The following LRRTM4 variants were observed in gnomAD, a reference collection of about 807,000 sequenced individuals.
LRRTM4 encodes the protein leucine-rich repeat transmembrane neuronal protein 4.
LRRTM4 carries 25 observed loss-of-function variants against 47.6 expected under a neutral mutation model. That is an observed-to-expected ratio of 0.53 (90% CI 0.38 to 0.73). LRRTM4 has a LOEUF of 0.73. LRRTM4 is among the 30% of genes least tolerant of loss of function. LRRTM4 has a pLI of 0.00. For synonymous variants in LRRTM4, 311 were observed against 269.5 expected (o/e 1.15, Z -1.51); for missense variants, 638 against 713.4 (o/e 0.89, Z 1.20).
chr2:76,795,028 A>G lies in LRRTM4; in HGVS notation c.1552-46112T>C, dbSNP rs558049032. 1.1e-4 allele frequency among the ~76,000 whole-genome samples: 16 copies of G among 151,964 alleles called. No homozygotes were observed. In the South Asian group the frequency reaches 3.1e-3, roughly 29 times the overall value. ...AAAAATATTACCAGATTTTATGCAA[A>G]TAAAGATACTTCTGTATGGCAGATA... is the stretch of plus-strand genomic sequence containing the variant. On this transcript the variant is annotated intron_variant, in intron 3 of 3. Transcript: ENST00000409884.
chr2:76,784,507 TGATAA>T (rs1338264302), intron 3 of LRRTM4, among the ~76,000 whole-genome samples: 1 of 152,052 alleles, frequency 6.6e-6, no homozygotes, highest in Non-Finnish European at 1.5e-5. Flanking sequence ...TCTCACTGGG[TGATAA>T]GATTAAGCTG....
rs1231320381 is a variant in LRRTM4, at chr2:76,912,055, C to T, written c.1552-163139G>A. Among the ~76,000 whole-genome samples, 31 of 151,472 alleles carry T rather than the reference C, an allele frequency of 2.0e-4. 1 individual carries two copies. Among genetic ancestry groups the T allele is most frequent in the Non-Finnish European group, 7.4e-5 (5 of 67,860 alleles). ...GCCATTCTCCTGCCCCGAGTAGCTG[C>T]AACTATAGGCGCCCGCCACCATGCC... On this transcript the variant is annotated intron_variant, in intron 3 of 3. Coordinates refer to ENST00000409884, the MANE Select transcript of LRRTM4 (RefSeq NM_001134745.3).
At chr2:77,278,629 C>T (rs1676429520) in intron 3 of LRRTM4, among the ~76,000 whole-genome samples, 2 of 151,884 alleles carry the variant, frequency 1.3e-5, no homozygotes, top group African/African-American at 4.8e-5. Context: ...ACTTTCAAGG[C>T]ATGGTTAAGT....
At chr2:77,136,176 C>T (rs1166068925) in intron 3 of LRRTM4, among the ~76,000 whole-genome samples, 1 of 152,146 alleles carries the variant, frequency 6.6e-6, no homozygotes, top group Non-Finnish European at 1.5e-5. Context: ...GACAGACTGC[C>T]TCCTCAAGTG....
intron 3 of LRRTM4, among the ~76,000 whole-genome samples, chr2:76,774,885 T>C (rs1342848518): frequency 2.0e-5 from 3 of 152,228 alleles, no homozygotes; most frequent in Non-Finnish European, 4.4e-5. Context: ...TCTTAAATAA[T>C]TGAAATCCTT....
At chr2:76,784,569 A>C (rs756601065) in intron 3 of LRRTM4, among the ~76,000 whole-genome samples, 1 of 152,072 alleles carries the variant, frequency 6.6e-6, no homozygotes, top group Admixed American at 6.5e-5. Context: ...AATAAATGCA[A>C]TATTTTCAAA....
At chr2:76,880,023 G>A (rs1008280476) in intron 3 of LRRTM4, among the ~76,000 whole-genome samples, 2 of 152,204 alleles carry the variant, frequency 1.3e-5, no homozygotes, top group African/African-American at 4.8e-5. Context: ...GCTCCTAATG[G>A]AGCTAAGAAA....
At chr2:76,876,829 G>A (rs1372517453) in intron 3 of LRRTM4, among the ~76,000 whole-genome samples, 1 of 151,844 alleles carries the variant, frequency 6.6e-6, no homozygotes, top group Non-Finnish European at 1.5e-5. Context: ...CTTAGAAAAA[G>A]AGAAATCACT....
At chr2:76,959,708 G>A (rs972752537) in intron 3 of LRRTM4, among the ~76,000 whole-genome samples, 1 of 151,662 alleles carries the variant, frequency 6.6e-6, no homozygotes, top group Non-Finnish European at 1.5e-5. Flanking sequence ...ATTTAAAGAA[G>A]TGTGTGATGC....
intron 3 of LRRTM4, among the ~76,000 whole-genome samples, chr2:77,514,777 T>C (rs1446199973): frequency 6.6e-6 from 1 of 151,962 alleles, no homozygotes; most frequent in Non-Finnish European, 1.5e-5. Context: ...TTTGTTCACA[T>C]TGGCTAATAT....
intron 3 of LRRTM4, among the ~76,000 whole-genome samples, chr2:77,297,001 A>G (rs977954754): frequency 6.6e-5 from 10 of 152,208 alleles, no homozygotes; most frequent in African/African-American, 2.4e-4. Context: ...CTCGACTCTC[A>G]TCATGGCTCC....
intron 3 of LRRTM4, among the ~76,000 whole-genome samples, chr2:77,462,220 G>A (rs1259109213): frequency 6.6e-6 from 1 of 152,006 alleles, no homozygotes; most frequent in Non-Finnish European, 1.5e-5. Flanking sequence ...CATGATGTGA[G>A]CTCTGAAGTA....
At chr2:76,991,018 G>A (rs1446370714) in intron 3 of LRRTM4, among the ~76,000 whole-genome samples, 1 of 151,686 alleles carries the variant, frequency 6.6e-6, no homozygotes, top group Non-Finnish European at 1.5e-5. Flanking sequence ...ACAGTTACAT[G>A]AAATTAAACA....
chr2:77,075,895 A>G, intron 3 of LRRTM4, among the ~76,000 whole-genome samples: 1 of 119,294 alleles, frequency 8.4e-6, no homozygotes, highest in Non-Finnish European at 1.6e-5. Context: ...AGCCTGGGCG[A>G]CAGAGCGAGA....
intron 3 of LRRTM4, among the ~76,000 whole-genome samples, chr2:76,895,062 T>C (rs1673368440): frequency 6.6e-6 from 1 of 151,518 alleles, no homozygotes; most frequent in African/African-American, 2.4e-5. Context: ...TCGGCAAACA[T>C]TTCAATAGTT....
intron 3 of LRRTM4, among the ~76,000 whole-genome samples, chr2:77,516,217 A>G (rs533829460): frequency 3.3e-5 from 5 of 151,996 alleles, no homozygotes; most frequent in African/African-American, 1.2e-4. Context: ...TTTCAACAAT[A>G]CTAGTGCAAT....
chr2:77,022,111 T>C (rs550354358), intron 3 of LRRTM4, among the ~76,000 whole-genome samples: 12 of 152,132 alleles, frequency 7.9e-5, no homozygotes, highest in Non-Finnish European at 1.8e-4. Flanking sequence ...CTCAGAATCA[T>C]GGCCAGAGGT....
intron 3 of LRRTM4, among the ~76,000 whole-genome samples, chr2:76,910,991 T>C (rs1001159612): frequency 2.0e-5 from 3 of 152,238 alleles, no homozygotes; most frequent in Non-Finnish European, 1.5e-5. Context: ...TGCTGAACAC[T>C]AATGCAGTGC....
At chr2:76,861,524 A>G (rs1370724429) in intron 3 of LRRTM4, among the ~76,000 whole-genome samples, 1 of 152,148 alleles carries the variant, frequency 6.6e-6, no homozygotes, top group East Asian at 1.9e-4. Flanking sequence ...TCTGAGCTCT[A>G]GTACAAATGC....
Sources: gnomAD v4.1 joint callset for allele counts (sites outside exome capture counted in the v4.1 genomes callset) on GRCh38, gnomAD v4.1.1 for gene constraint, MANE v1.5 for transcripts, NCBI Gene and HGNC (gene_info 2026-07-23, HGNC 2026-07-21) for gene names.